Variants in HOOK1 observed in about 807,000 individuals in gnomAD.
HOOK1 encodes the protein protein Hook homolog 1.
Under a neutral mutation model 112.8 loss-of-function variants are expected in HOOK1, and 60 were observed. The ratio of observed to expected loss-of-function variants is 0.53; its 90% CI spans 0.43 to 0.66. The LOEUF (loss-of-function observed/expected upper bound fraction) is 0.66, where lower values mean the gene tolerates loss of function less well. Among genes scored for constraint, HOOK1 ranks in the 30% least tolerant of loss-of-function variants. The pLI is 0.00. For synonymous variants in HOOK1, 294 were observed against 283.8 expected (o/e 1.04, Z -0.36); for missense variants, 770 against 856.0 (o/e 0.90, Z 1.25).
chr1:59,833,665 T>C (rs1574186812), intron 5 of HOOK1, 128 bp downstream of exon 5: 16 of 723,130 alleles, frequency 2.2e-5, no homozygotes, highest in Non-Finnish European at 3.3e-5. Flanking sequence ...CCAGAAGATC[T>C]GAATTCTAGC....
chr1:59,832,140 ATC>A (rs1337485055), intron 3 of HOOK1, 21 bp from the exon 4 acceptor site: 1 of 1,311,478 alleles, frequency 7.6e-7, no homozygotes. Context: ...TGAAATAAGA[ATC>A]TCTTATTTTT....
chr1:59,868,557 G>A (rs866970587), intron 20 of HOOK1, among the ~76,000 whole-genome samples: 17 of 152,300 alleles, frequency 1.1e-4, no homozygotes, highest in Admixed American at 3.3e-4. Flanking sequence ...TATATGCAGC[G>A]TTGTAGTTGT....
At position 59,833,489 on chromosome 1, in the gene HOOK1, T is replaced by C. The variant is rs959992069; in HGVS notation, c.358T>C (p.Leu120=). The C allele has an allele frequency of 6.3e-7, 1 of 1,591,954 alleles. No homozygotes were observed. The highest frequency in any genetic ancestry group is 8.6e-7 in the Non-Finnish European group (1 of 1,165,070). Residue 120 remains leucine, a synonymous_variant, in exon 5 of 22, where the codon TTG becomes CTG. Transcript: ENST00000371208. ...TTCAGATCCAGTGGAGCTTGGGAGG[T>C]TGCTCCAGCTTATTTTAGGTTGTGC... is the stretch of plus-strand genomic sequence containing the variant. The part of the protein sequence containing the change: ...ECSDPVELGR[L]LQLILGCAIN...
chr1:59,870,540 GTC>G (rs1644040605), intron 20 of HOOK1, among the ~76,000 whole-genome samples: 2 of 152,170 alleles, frequency 1.3e-5, no homozygotes, highest in Non-Finnish European at 2.9e-5. Context: ...AAGTATGTCA[GTC>G]TCTGTGATGG....
intron 20 of HOOK1, among the ~76,000 whole-genome samples, chr1:59,870,515 T>C (rs1293427326): frequency 6.6e-6 from 1 of 152,214 alleles, no homozygotes; most frequent in African/African-American, 2.4e-5. Context: ...CCAAACTATA[T>C]CTGGTACTCA....
intron 15 of HOOK1, 129 bp from the exon 16 acceptor site, chr1:59,862,655 A>G (rs1004692447): frequency 3.3e-6 from 2 of 600,598 alleles, no homozygotes; most frequent in Admixed American, 2.5e-5. Context: ...AGGCACAGAT[A>G]ATTATTCCGC....
At chr1:59,828,758 A>AT (rs537191917) in intron 2 of HOOK1, 22 bp from the exon 3 acceptor site, 446 of 1,596,938 alleles carry the variant, frequency 2.8e-4, no homozygotes, top group African/African-American at 5.4e-4. Context: ...CATCTTTAGT[A>AT]TTTTTTTTGT....
Position 59,872,788 on chromosome 1 carries a change from T to A in HOOK1, c.2017-7T>A. The A allele has an allele frequency of 7.2e-7, 1 of 1,391,970 alleles. No homozygotes were observed. Among genetic ancestry groups the A allele is most frequent in the Admixed American group, 3.1e-5 (1 of 32,436 alleles). The allele number at this position is 1,391,970 out of a possible 1,614,324, so 86.2% of individuals were successfully genotyped here. A position where few individuals can be genotyped will look rare whatever the true frequency, so the allele number is the denominator to read the frequency against. On this transcript the variant is annotated splice_polypyrimidine_tract_variant and splice_region_variant and intron_variant, in intron 21 of 21. Transcript: ENST00000371208. Reference sequence around the variant, plus strand: ...TTAAATAAAAAATATATGTTTTTTTTTTTCAGAGTCTAGCATTCCAGAAAC... The same window carrying A: ...TTAAATAAAAAATATATGTTTTTTTATTTCAGAGTCTAGCATTCCAGAAAC...
At chr1:59,846,411 C>G (rs1243360154) in intron 9 of HOOK1, among the ~76,000 whole-genome samples, 1 of 151,506 alleles carries the variant, frequency 6.6e-6, no homozygotes, top group Admixed American at 6.6e-5. Context: ...AGATTTCTTT[C>G]TTTATACTTA....
intron 4 of HOOK1, among the ~76,000 whole-genome samples, chr1:59,832,626 AAAG>A (rs1196992482): frequency 6.6e-6 from 1 of 152,132 alleles, no homozygotes; most frequent in African/African-American, 2.4e-5. Flanking sequence ...ATGCAAAATA[AAAG>A]TAGTATTATA....
intron 3 of HOOK1, among the ~76,000 whole-genome samples, chr1:59,829,368 C>T (rs1349548506): frequency 1.3e-5 from 2 of 152,070 alleles, no homozygotes; most frequent in Non-Finnish European, 2.9e-5. Context: ...TACAAACATT[C>T]ATATATGAAT....
rs375435807 is a variant in HOOK1 at position 59,839,994 on chromosome 1, A to T, written c.538-314A>T. 8.5e-5 allele frequency among the ~76,000 whole-genome samples: 13 copies of T among 152,150 alleles called. 1 individual carries two copies. In the East Asian group the frequency reaches 1.2e-3, roughly 14 times the overall value. On this transcript the variant is annotated intron_variant, in intron 7 of 21. Transcript: ENST00000371208. ...TCTGTTTATGTGATGGATTACATTTATTGATTTGTGTATGTTGAACCAGCC... is the reference window on the plus strand; with the variant it reads ...TCTGTTTATGTGATGGATTACATTTTTTGATTTGTGTATGTTGAACCAGCC...
At chr1:59,859,718 A>G (rs2098412554) in intron 14 of HOOK1, among the ~76,000 whole-genome samples, 1 of 151,986 alleles carries the variant, frequency 6.6e-6, no homozygotes. Context: ...TTCAGAAACA[A>G]AAGATCTAGA....
chr1:59,849,458 GATA>G (rs1301889737), intron 12 of HOOK1, among the ~76,000 whole-genome samples: 1 of 151,598 alleles, frequency 6.6e-6, no homozygotes, highest in Non-Finnish European at 1.5e-5. Flanking sequence ...AAGGACCATA[GATA>G]ATAATTTTGC....
rs2098404562 is a variant in HOOK1, at chr1:59,847,260, T to C, written c.929+75T>C. Reference sequence around the variant, plus strand: ...TCAATTTGAGTATTTCATATTTTAATCAGGGATTCATAGGATTATTCCTGT... The same window carrying C: ...TCAATTTGAGTATTTCATATTTTAACCAGGGATTCATAGGATTATTCCTGT... On this transcript the variant is annotated intron_variant, in intron 10 of 21. Coordinates refer to ENST00000371208, the MANE Select transcript of HOOK1 (RefSeq NM_015888.6). The C allele has an allele frequency of 4.0e-6, 5 of 1,254,022 alleles. No individual in the cohort carries two copies. In the Admixed American group the frequency reaches 1.1e-4, roughly 27 times the overall value. 77.7% of individuals were successfully genotyped at this position (1,254,022 alleles called of 1,614,324 possible).
intron 7 of HOOK1, among the ~76,000 whole-genome samples, chr1:59,837,431 C>CT: frequency 6.6e-6 from 1 of 152,158 alleles, no homozygotes; most frequent in East Asian, 1.9e-4. Context: ...GCATTAAGTA[C>CT]TTTTTCTGTT....
chr1:59,841,079 G>C (rs544924827), intron 8 of HOOK1, among the ~76,000 whole-genome samples: 141 of 152,222 alleles, frequency 9.3e-4, no homozygotes, highest in African/African-American at 3.2e-3. Context: ...CAGAGTGGTC[G>C]TGAGGGTTAA....
In HOOK1 at chr1:59,847,933, A is replaced by G. The variant is rs140529200; in HGVS notation, c.930-382A>G. On this transcript the variant is annotated intron_variant, in intron 10 of 21. Coordinates refer to ENST00000371208, the MANE Select transcript of HOOK1 (RefSeq NM_015888.6). ...AAATACAGTTGAGTCAAATACTTGGAAGGAAACTATGCTGAATGTTGTACA... is the reference window on the plus strand; with the variant it reads ...AAATACAGTTGAGTCAAATACTTGGGAGGAAACTATGCTGAATGTTGTACA... Among the ~76,000 whole-genome samples the G allele has an allele frequency of 9.2e-5, 14 of 151,792 alleles. No homozygotes were observed. In the Middle Eastern group the frequency reaches 0.01, roughly 111 times the overall value.
At chr1:59,822,120 A>T (rs903940342) in intron 2 of HOOK1, among the ~76,000 whole-genome samples, 177 bp downstream of exon 2, 14 of 152,198 alleles carry the variant, frequency 9.2e-5, no homozygotes, top group African/African-American at 3.4e-4. Context: ...CCACCTCATT[A>T]TTCCTGGCTT....
Sources: gnomAD v4.1 joint callset for allele counts (sites outside exome capture counted in the v4.1 genomes callset) on GRCh38, gnomAD v4.1.1 for gene constraint, MANE v1.5 for transcripts, NCBI Gene and HGNC (gene_info 2026-07-23, HGNC 2026-07-21) for gene names.